The following OCRL variants were observed in gnomAD, a reference collection of about 807,000 sequenced individuals.
OCRL encodes inositol polyphosphate 5-phosphatase OCRL.
A neutral mutation model predicts 78.9 loss-of-function variants in OCRL; 8 were observed. The observed-to-expected ratio is 0.10, with a 90% CI of 0.06 to 0.18. The LOEUF is 0.18. OCRL is among the 10% of genes least tolerant of loss of function. OCRL has a pLI of 1.00. For missense variants in OCRL, 454 were observed against 696.7 expected, an observed-to-expected ratio of 0.65 and a Z score of 3.92; for synonymous variants, 240 against 235.4, an observed-to-expected ratio of 1.02 and a Z score of -0.18.
At chrX:129,585,638 A>C (rs186494597) in intron 19 of OCRL, among the ~76,000 whole-genome samples, 19 of 112,123 alleles carry the variant, frequency 1.7e-4, no homozygotes, top group Non-Finnish European at 2.1e-4. Context: ...CATTCTGGCA[A>C]CTATTAGGAA....
chrX:129,546,302 A>G (rs1279829952), intron 3 of OCRL, among the ~76,000 whole-genome samples: 1 of 111,761 alleles, frequency 8.9e-6, no homozygotes, highest in African/African-American at 3.3e-5. Context: ...TAATGGCTAT[A>G]TACCATACCA....
intron 9 of OCRL, among the ~76,000 whole-genome samples, chrX:129,560,935 T>A (rs1306590160): frequency 1.8e-5 from 2 of 112,652 alleles, no homozygotes; most frequent in Non-Finnish European, 3.8e-5. Context: ...AGAGCAAAGC[T>A]CTGCTGTTAT....
At chrX:129,558,398 C>T (rs752191375) in intron 6 of OCRL, among the ~76,000 whole-genome samples, 1 of 112,441 alleles carries the variant, frequency 8.9e-6, no homozygotes, top group African/African-American at 3.2e-5. Context: ...TAAATGTTAG[C>T]TATTACTAGT....
intron 18 of OCRL, among the ~76,000 whole-genome samples, chrX:129,581,160 C>T (rs940291081): frequency 2.2e-4 from 25 of 112,777 alleles, no homozygotes; most frequent in East Asian, 1.1e-3. Context: ...CCACCGTGCC[C>T]GGCTATGCTT....
At position 129,557,510 on chromosome X, in the gene OCRL, A is replaced by G. The variant is rs987152670; in HGVS notation, c.349+75A>G. On this transcript the variant is annotated intron_variant, in intron 5 of 23. Transcript: ENST00000371113. ...ATTCTGACATGCTGATACAGAGGAA[A>G]GTGGCCATTGGCAAAATACCTCACC... The G allele has an allele frequency of 9.4e-6, 9 of 956,486 alleles. No homozygotes were observed. The African/African-American group carries it at 1.7e-4, about 18-fold the overall frequency. The allele number at this position is 956,486 out of a possible 1,213,427, so 78.8% of individuals were successfully genotyped here.
chrX:129,540,549 C>A, intron 1 of OCRL, 71 bp downstream of exon 1: 1 of 1,080,701 alleles, frequency 9.3e-7, no homozygotes, highest in Non-Finnish European at 1.2e-6. Context: ...CCCTGCGGAA[C>A]ACGGTGGGGC....
chrX:129,548,516 G>C (rs1163708189), intron 3 of OCRL, 47 bp from the exon 4 acceptor site: 1 of 1,044,465 alleles, frequency 9.6e-7, no homozygotes, highest in African/African-American at 1.8e-5. Flanking sequence ...GTTGTAGTGA[G>C]TGGTTTTCTC....
chrX:129,556,870 A>G (rs943243687), intron 4 of OCRL, among the ~76,000 whole-genome samples: 6 of 112,078 alleles, frequency 5.4e-5, no homozygotes, highest in East Asian at 2.8e-4. Context: ...CGGACAAACC[A>G]TCCTACTTAT....
At chrX:129,588,427 C>T (rs1252293146) in intron 21 of OCRL, among the ~76,000 whole-genome samples, 164 bp downstream of exon 21, 1 of 112,112 alleles carries the variant, frequency 8.9e-6, no homozygotes, top group Non-Finnish European at 1.9e-5. Context: ...CTTTCAGGAA[C>T]TTTTGACCTC....
At chrX:129,572,838 G>T (rs1359864087) in intron 15 of OCRL, among the ~76,000 whole-genome samples, 1 of 111,690 alleles carries the variant, frequency 9.0e-6, no homozygotes, top group Non-Finnish European at 1.9e-5. Context: ...AGTTGATTCT[G>T]TCACATATCT....
At position 129,540,410 on chromosome X, in the gene OCRL, G is replaced by T. The variant is rs1234184034; in HGVS notation, c.-30G>T. The T allele has an allele frequency of 1.7e-6, 2 of 1,150,649 alleles. No homozygotes were observed. The highest frequency in any genetic ancestry group is 3.6e-5 in the African/African-American group (2 of 54,978). The allele number at this position is 1,150,649 out of a possible 1,213,427, so 94.8% of individuals were successfully genotyped here. On this transcript the variant is annotated 5_prime_UTR_variant, in exon 1 of 24. Coordinates refer to ENST00000371113, the MANE Select transcript of OCRL (RefSeq NM_000276.4). Reference sequence around the variant, plus strand: ...GTGTCGTCGGATCGGCCCGCAGTCCGCTGTCCTGCTGAGCCCGGAGGCCGC... The same window carrying T: ...GTGTCGTCGGATCGGCCCGCAGTCCTCTGTCCTGCTGAGCCCGGAGGCCGC...
At chrX:129,565,450 G>A (rs1936204653) in intron 12 of OCRL, among the ~76,000 whole-genome samples, 1 of 111,993 alleles carries the variant, frequency 8.9e-6, no homozygotes, top group South Asian at 3.7e-4. Flanking sequence ...TAGCAGCCAG[G>A]CAAAATTTTG....
At position 129,557,350 on chromosome X, in the gene OCRL, G is replaced by T; in HGVS notation, c.264G>T (p.Gly88=). Residue 88 remains glycine (G), a synonymous_variant, in exon 5 of 24, where the codon GGG becomes GGT. Coordinates refer to ENST00000371113, the MANE Select transcript of OCRL (RefSeq NM_000276.4). ...GTGGCTGCAAAATTCGGGTTCAGGG[G>T]GACTGGATCAGAGAGCGCCGCTTTG... ...SNSGCKIRVQ[G]DWIRERRFEI... 1 of 1,211,405 alleles carries T rather than the reference G, an allele frequency of 8.3e-7. No homozygotes were observed.
intron 18 of OCRL, among the ~76,000 whole-genome samples, chrX:129,580,349 C>T (rs1426112756): frequency 8.9e-6 from 1 of 111,815 alleles, no homozygotes. Flanking sequence ...TAAGATTTCC[C>T]TGGGACAAGT....
At chrX:129,581,861 CTCTCTGTCTCTG>C (rs1170152691) in intron 18 of OCRL, among the ~76,000 whole-genome samples, 2 of 94,417 alleles carry the variant, frequency 2.1e-5, no homozygotes, top group African/African-American at 8.6e-5. Context: ...CTCTCTCTCT[CTCTCTGTCTCTG>C]TCTCTGCCCT....
At chrX:129,544,320 C>A (rs1426409111) in intron 2 of OCRL, among the ~76,000 whole-genome samples, 1 of 110,807 alleles carries the variant, frequency 9.0e-6, no homozygotes, top group East Asian at 2.8e-4. Flanking sequence ...GAAATACCAG[C>A]GTAAACTTGG....
intron 19 of OCRL, among the ~76,000 whole-genome samples, chrX:129,584,917 C>T (rs1384923638): frequency 1.8e-5 from 2 of 111,918 alleles, no homozygotes; most frequent in African/African-American, 6.5e-5. Flanking sequence ...GATGAGACAA[C>T]CAAGGCCCAG....
At chrX:129,561,052 C>G (rs1383912581) in intron 9 of OCRL, 127 bp from the exon 10 acceptor site, 1 of 516,207 alleles carries the variant, frequency 1.9e-6, no homozygotes, top group Non-Finnish European at 3.5e-6. Context: ...CCTGGGTGAA[C>G]AGAGCAGTTC....
chrX:129,540,664 G>GA, intron 1 of OCRL, 80 bp from the exon 2 acceptor site: 1 of 852,646 alleles, frequency 1.2e-6, no homozygotes, highest in Non-Finnish European at 1.7e-6. Context: ...TGGGGGGGGG[G>GA]TGGAAGACCC....
Sources: gnomAD v4.1 joint callset for allele counts (sites outside exome capture counted in the v4.1 genomes callset) on GRCh38, gnomAD v4.1.1 for gene constraint, MANE v1.5 for transcripts, NCBI Gene and HGNC (gene_info 2026-07-23, HGNC 2026-07-21) for gene names.